Variants in KDM2B observed in about 807,000 individuals in gnomAD.
KDM2B encodes lysine demethylase 2B.
A neutral mutation model predicts 150.0 loss-of-function variants in KDM2B; 26 were observed. The ratio of observed to expected loss-of-function variants is 0.17; its 90% CI spans 0.13 to 0.24. The LOEUF is 0.24. Ranked by LOEUF, KDM2B falls within the 10% of genes least tolerant of loss-of-function variation. KDM2B has a pLI of 1.00. For missense variants in KDM2B, 1,265 were observed against 1,816.9 expected, an observed-to-expected ratio of 0.70 and a Z score of 5.52; for synonymous variants, 734 against 729.5, an observed-to-expected ratio of 1.01 and a Z score of -0.10.
intron 8 of KDM2B, among the ~76,000 whole-genome samples, chr12:121,522,099 C>T (rs1436009402): frequency 6.7e-6 from 1 of 150,100 alleles, no homozygotes; most frequent in Non-Finnish European, 1.5e-5. Context: ...ACAGAGATAA[C>T]CATCTCAAAA....
intron 4 of KDM2B, chr12:121,574,296 G>A: frequency 2.4e-6 from 1 of 416,644 alleles, no homozygotes; most frequent in Non-Finnish European, 4.4e-6. Flanking sequence ...CTGACACCCA[G>A]GCTGGAGGCA....
At chr12:121,474,903 G>T (rs1350445788) in intron 12 of KDM2B, among the ~76,000 whole-genome samples, 2 of 152,120 alleles carry the variant, frequency 1.3e-5, no homozygotes, top group Non-Finnish European at 2.9e-5. Flanking sequence ...ATTGAGCCAT[G>T]ATCATGCCAC....
chr12:121,541,004 G>A (rs966908903), intron 6 of KDM2B, among the ~76,000 whole-genome samples: 13 of 151,748 alleles, frequency 8.6e-5, no homozygotes, highest in Non-Finnish European at 1.3e-4. Flanking sequence ...AGGCCGAGGC[G>A]GGTGGATCAC....
chr12:121,469,680 C>G (rs1880550334), intron 12 of KDM2B: 1 of 151,534 alleles, frequency 6.6e-6, no homozygotes, highest in Non-Finnish European at 1.5e-5. Context: ...GCTGGCCACT[C>G]TACTCAGTAG....
At chr12:121,516,378 T>C (rs1555304985) in intron 9 of KDM2B, 1 of 772,304 alleles carries the variant, frequency 1.3e-6, no homozygotes, top group East Asian at 6.6e-5. Flanking sequence ...AAACAAATGC[T>C]GATGAAGGAA....
intron 13 of KDM2B, among the ~76,000 whole-genome samples, chr12:121,446,588 T>A (rs1420525636): frequency 6.6e-6 from 1 of 151,498 alleles, no homozygotes; most frequent in Non-Finnish European, 1.5e-5. Context: ...GGAGGTGAAA[T>A]GGCCACTTTC....
chr12:121,480,935 T>TG (rs1251926581), intron 12 of KDM2B, among the ~76,000 whole-genome samples: 1 of 149,602 alleles, frequency 6.7e-6, no homozygotes, highest in African/African-American at 2.4e-5. Flanking sequence ...TTTTGTTGTT[T>TG]TTTTTTTTTT....
chr12:121,560,438 A>G (rs1044288672), intron 4 of KDM2B, among the ~76,000 whole-genome samples: 15 of 152,270 alleles, frequency 9.9e-5, no homozygotes, highest in Admixed American at 5.9e-4. Context: ...AATACACATA[A>G]ATAAAAACAA....
At position 121,442,473 on chromosome 12, in the gene KDM2B, T is replaced by C; in HGVS notation, c.2968A>G (p.Ile990Val). 6.3e-7 allele frequency: 1 copy of C among 1,599,576 alleles called. No individual in the cohort carries two copies. Among genetic ancestry groups the C allele is most frequent in the Non-Finnish European group, 8.5e-7 (1 of 1,179,738 alleles). Residue 990 changes from isoleucine to valine, a missense_variant, in exon 19 of 23, where the codon ATC (isoleucine) becomes GTC (valine). Around this residue, in one of 11 missense-constraint regions of KDM2B, gnomAD observed 418 missense variants for 402.4 expected, o/e 1.04. Transcript: ENST00000377071. The surrounding 1 kb of genome is among the most constrained non-coding windows in gnomAD (Gnocchi z 7.7). ...EGEEPKRPPG[I>V]CERPHRFSKG... ...CTGAAGCGGTGGGGACGCTCGCAGA[T>C]GCCCGGGGGCCGCTTGGGCTCCTCG...
intron 12 of KDM2B, among the ~76,000 whole-genome samples, chr12:121,473,880 T>C (rs182373846): frequency 6.6e-6 from 1 of 152,306 alleles, no homozygotes; most frequent in East Asian, 1.9e-4. Flanking sequence ...ATCCCTACGA[T>C]GGAATTATGA....
rs185986428 is a variant in KDM2B, at chr12:121,432,687, C to T, written c.3830-2218G>A. ...CTAGACATTTTCAGCAAGAAATCACCCTCAGAATCTTCCATCTTGACCCTG... is the reference window on the plus strand; with the variant it reads ...CTAGACATTTTCAGCAAGAAATCACTCTCAGAATCTTCCATCTTGACCCTG... On this transcript the variant is annotated intron_variant, in intron 22 of 22. Transcript: ENST00000377071. Among the ~76,000 whole-genome samples the T allele has an allele frequency of 3.6e-3, 547 of 152,318 alleles. 18 individuals carry two copies. Among genetic ancestry groups the T allele is most frequent in the Non-Finnish European group, 7.5e-4 (51 of 68,036 alleles).
At position 121,441,219 on chromosome 12, in the gene KDM2B, C is replaced by A. The variant is rs782007179; in HGVS notation, c.3299G>T (p.Arg1100Leu). The change falls in exon 20 of 23, where the codon CGG (arginine) becomes CTG (leucine). Residue 1100 changes from arginine (R) to leucine (L), a missense_variant. Physicochemically the swap from Arg to Leu is moderately radical, Grantham distance 102. Around this residue, in one of 11 missense-constraint regions of KDM2B, gnomAD observed 251 missense variants for 397.8 expected, o/e 0.63. Coordinates refer to ENST00000377071, the MANE Select transcript of KDM2B (RefSeq NM_032590.5). ...GTTCAGGTCAATGCGGGTCCACAACCGCTTATCGCAGCACCTGGGGACCGG... is the reference window on the plus strand; with the variant it reads ...GTTCAGGTCAATGCGGGTCCACAACAGCTTATCGCAGCACCTGGGGACCGG... ...RTWNRWCCDK[R>L]LWTRIDLNHC... 6.2e-7 allele frequency: 1 copy of A among 1,613,802 alleles called. No individual in the cohort carries two copies. Among genetic ancestry groups the A allele is most frequent in the African/African-American group, 1.3e-5 (1 of 74,898 alleles).
rs537735471 is a variant in KDM2B at position 121,453,399 on chromosome 12, C to T, written c.1735-55G>A. 5 of 1,419,102 alleles carry T rather than the reference C, an allele frequency of 3.5e-6. No individual in the cohort carries two copies. The highest frequency in any genetic ancestry group is 2.2e-4 in the Middle Eastern group (1 of 4,588). The allele number at this position is 1,419,102 out of a possible 1,614,324, so 87.9% of individuals were successfully genotyped here. On this transcript the variant is annotated intron_variant, in intron 12 of 22. Transcript: ENST00000377071. The surrounding 1 kb of genome is among the most constrained non-coding windows in gnomAD (Gnocchi z 6.4). Reference sequence around the variant, plus strand: ...TGGGGAGACTGCAGGCACGGCCAGACCCCCGGAAAGGGTGTTAGGGAGCAA... The same window carrying T: ...TGGGGAGACTGCAGGCACGGCCAGATCCCCGGAAAGGGTGTTAGGGAGCAA...
chr12:121,577,761 A>AG (rs1449512588), intron 2 of KDM2B, among the ~76,000 whole-genome samples: 1 of 152,208 alleles, frequency 6.6e-6, no homozygotes, highest in Non-Finnish European at 1.5e-5. Flanking sequence ...AAAGGAGTGA[A>AG]GGGCCTGGGA....
Position 121,509,783 on chromosome 12 carries a change from C to T in KDM2B, c.1431G>A (p.Ser477=), listed in dbSNP as rs201253347. Residue 477 remains serine (S), a synonymous_variant, in exon 11 of 23, where the codon TCG becomes TCA. Coordinates refer to ENST00000377071, the MANE Select transcript of KDM2B (RefSeq NM_032590.5). ...ATGTGGTGGACTTCACACTTTCCTCCGACTCATTAGACAAAGTCCTTTTGA... is the reference window on the plus strand; with the variant it reads ...ATGTGGTGGACTTCACACTTTCCTCTGACTCATTAGACAAAGTCCTTTTGA... ...RFLKRTLSNE[S]EESVKSTTLA... 59 of 1,614,008 alleles carry T rather than the reference C, an allele frequency of 3.7e-5. No individual in the cohort carries two copies. The highest frequency in any genetic ancestry group is 7.7e-5 in the South Asian group (7 of 91,088).
intron 12 of KDM2B, among the ~76,000 whole-genome samples, chr12:121,477,724 T>C (rs1259192550): frequency 6.6e-6 from 1 of 151,684 alleles, no homozygotes; most frequent in Non-Finnish European, 1.5e-5. Context: ...ATTATAGGTG[T>C]CTGCCACCAC....
At chr12:121,449,512 A>C (rs890997895) in intron 13 of KDM2B, among the ~76,000 whole-genome samples, 1 of 152,162 alleles carries the variant, frequency 6.6e-6, no homozygotes, top group Admixed American at 6.5e-5. Flanking sequence ...TTCAACCAGC[A>C]TGCGCTGTGC....
At position 121,549,083 on chromosome 12, in the gene KDM2B, A is replaced by G. The variant is rs1160687827; in HGVS notation, c.577-100T>C. Reference sequence around the variant, plus strand: ...GTCCTTGGGCCCCCCCGCTCCCCCAATCTACTGTGGGCTCAATAGTCCCAA... The same window carrying G: ...GTCCTTGGGCCCCCCCGCTCCCCCAGTCTACTGTGGGCTCAATAGTCCCAA... On this transcript the variant is annotated intron_variant, in intron 5 of 22. Coordinates refer to ENST00000377071, the MANE Select transcript of KDM2B (RefSeq NM_032590.5). This position sits in a 1 kb window ranked among gnomAD's most constrained non-coding sequence, Gnocchi z 4.4. 4.4e-6 allele frequency: 4 copies of G among 900,786 alleles called. No homozygotes were observed. The highest frequency in any genetic ancestry group is 3.3e-5 in the African/African-American group (2 of 61,098). 55.8% of individuals were successfully genotyped at this position (900,786 alleles called of 1,614,324 possible). A position where few individuals can be genotyped will look rare whatever the true frequency, so the allele number is the denominator to read the frequency against.
At chr12:121,546,280 G>A (rs1219571350) in intron 6 of KDM2B, among the ~76,000 whole-genome samples, 1 of 151,174 alleles carries the variant, frequency 6.6e-6, no homozygotes, top group African/African-American at 2.4e-5. Flanking sequence ...ATCAATCAAT[G>A]AGCCATCATC....
Sources: gnomAD v4.1 joint callset for allele counts (sites outside exome capture counted in the v4.1 genomes callset) on GRCh38, gnomAD v4.1.1 for gene constraint, gnomAD v4.1.1 regional missense constraint, Gnocchi (gnomAD v3.1) non-coding constraint, MANE v1.5 for transcripts, NCBI Gene and HGNC (gene_info 2026-07-23, HGNC 2026-07-21) for gene names.